Variants in UBE2E2 observed in about 807,000 individuals in gnomAD.
The protein encoded by UBE2E2 is ubiquitin-conjugating enzyme E2 E2.
UBE2E2 carries 6 observed loss-of-function variants against 24.7 expected under a neutral mutation model. That is an observed-to-expected ratio of 0.24 (90% CI 0.13 to 0.48). The LOEUF (loss-of-function observed/expected upper bound fraction) is 0.48, where lower values mean the gene tolerates loss of function less well. Ranked by LOEUF, UBE2E2 falls within the 20% of genes least tolerant of loss-of-function variation. The pLI is 0.99. For synonymous variants in UBE2E2, 104 were observed against 83.6 expected (o/e 1.24, Z -1.33); for missense variants, 169 against 245.0 (o/e 0.69, Z 2.07).
chr3:23,468,653 A>T (rs1411194341), intron 3 of UBE2E2, among the ~76,000 whole-genome samples: 2 of 152,244 alleles, frequency 1.3e-5, no homozygotes, highest in African/African-American at 2.4e-5. Flanking sequence ...AAGTCACCTA[A>T]CATTAAATGT....
rs191455762 is a variant in UBE2E2 at position 23,408,571 on chromosome 3, T to G, written c.228-91037T>G. On this transcript the variant is annotated intron_variant, in intron 3 of 5. Coordinates refer to ENST00000396703, the MANE Select transcript of UBE2E2 (RefSeq NM_152653.4). ...GACTCTGATGACTGGCTCCTGGAGG[T>G]CATAAATCTTCTTGCTAAGATATAT... 2.4e-3 allele frequency among the ~76,000 whole-genome samples: 358 copies of G among 152,204 alleles called. 2 individuals carry two copies. Among genetic ancestry groups the G allele is most frequent in the African/African-American group, 8.2e-3 (342 of 41,514 alleles).
At chr3:23,405,050 T>C (rs1302697164) in intron 3 of UBE2E2, among the ~76,000 whole-genome samples, 1 of 152,248 alleles carries the variant, frequency 6.6e-6, no homozygotes, top group African/African-American at 2.4e-5. Context: ...GGAATTTAAT[T>C]GACAGTTGCT....
intron 3 of UBE2E2, among the ~76,000 whole-genome samples, chr3:23,290,380 T>G (rs1190279367): frequency 6.6e-6 from 1 of 152,164 alleles, no homozygotes; most frequent in Admixed American, 6.5e-5. Flanking sequence ...CACCTGGAGG[T>G]CTTGTTAAAA....
intron 3 of UBE2E2, among the ~76,000 whole-genome samples, chr3:23,369,263 A>C (rs1296965066): frequency 6.6e-6 from 1 of 152,208 alleles, no homozygotes; most frequent in Non-Finnish European, 1.5e-5. Context: ...GGTCCCAGGA[A>C]TAATGGCATT....
chr3:23,266,644 A>G (rs1698057957), intron 3 of UBE2E2, among the ~76,000 whole-genome samples: 1 of 152,038 alleles, frequency 6.6e-6, no homozygotes, highest in Non-Finnish European at 1.5e-5. Flanking sequence ...CTCGAGGAGT[A>G]TCTTTCAGAA....
chr3:23,455,826 TG>T (rs1234198190), intron 3 of UBE2E2, among the ~76,000 whole-genome samples: 4 of 152,224 alleles, frequency 2.6e-5, no homozygotes, highest in Non-Finnish European at 5.9e-5. Context: ...AGGTGGTGGT[TG>T]CTGAAGGCTG....
intron 5 of UBE2E2, among the ~76,000 whole-genome samples, chr3:23,587,874 G>A (rs1401343751): frequency 6.6e-6 from 1 of 152,122 alleles, no homozygotes; most frequent in East Asian, 1.9e-4. Context: ...CAAACGTTTC[G>A]AACAAACCCA....
chr3:23,544,880 G>T (rs1695481301), intron 5 of UBE2E2, among the ~76,000 whole-genome samples: 1 of 152,178 alleles, frequency 6.6e-6, no homozygotes. Flanking sequence ...ATGTGTCAGG[G>T]TCACAAGACA....
intron 3 of UBE2E2, among the ~76,000 whole-genome samples, chr3:23,395,284 ACT>A (rs1697047625): frequency 6.6e-6 from 1 of 152,212 alleles, no homozygotes; most frequent in Non-Finnish European, 1.5e-5. Flanking sequence ...CCGGATACCA[ACT>A]AGGTCGCTTT....
chr3:23,368,423 T>C (rs1305029006), intron 3 of UBE2E2, among the ~76,000 whole-genome samples: 1 of 152,184 alleles, frequency 6.6e-6, no homozygotes, highest in African/African-American at 2.4e-5. Flanking sequence ...AGGCAATGAG[T>C]GTCTTACAAG....
chr3:23,399,291 G>A (rs1398711238), intron 3 of UBE2E2, among the ~76,000 whole-genome samples: 1 of 152,054 alleles, frequency 6.6e-6, no homozygotes, highest in Non-Finnish European at 1.5e-5. Context: ...GCACTTTGGG[G>A]CTATTATTAA....
rs1559459135 is a variant in UBE2E2 at position 23,257,523 on chromosome 3, C to G, written c.227+40211C>G. Reference sequence around the variant, plus strand: ...TGGCTGTTTCCCGTGCCCCCCCCCCCCCCCCACTTTTTTTTTTTTTTTTTT... The same window carrying G: ...TGGCTGTTTCCCGTGCCCCCCCCCCGCCCCCACTTTTTTTTTTTTTTTTTT... On this transcript the variant is annotated intron_variant, in intron 3 of 5. Coordinates refer to ENST00000396703, the MANE Select transcript of UBE2E2 (RefSeq NM_152653.4). 6.1e-5 allele frequency among the ~76,000 whole-genome samples: 4 copies of G among 65,880 alleles called. 1 individual carries two copies. Among genetic ancestry groups the G allele is most frequent in the Non-Finnish European group, 6.4e-5 (2 of 31,396 alleles). 43.2% of individuals were successfully genotyped at this position (65,880 alleles called of 152,430 possible).
chr3:23,501,590 C>T (rs560091516), intron 4 of UBE2E2, among the ~76,000 whole-genome samples: 90 of 152,212 alleles, frequency 5.9e-4, no homozygotes, highest in Admixed American at 6.5e-5. Flanking sequence ...AAAAATAGGG[C>T]GTGGGAGGAA....
chr3:23,238,687 A>C (rs1450536866), intron 3 of UBE2E2, among the ~76,000 whole-genome samples: 2 of 152,222 alleles, frequency 1.3e-5, no homozygotes, highest in Non-Finnish European at 2.9e-5. Context: ...AGCGATCTTC[A>C]GGATGTGGCC....
chr3:23,383,236 A>T (rs1380123454), intron 3 of UBE2E2, among the ~76,000 whole-genome samples: 1 of 151,988 alleles, frequency 6.6e-6, no homozygotes, highest in Non-Finnish European at 1.5e-5. Flanking sequence ...TTTGAAGTAT[A>T]TTGCAGTATA....
chr3:23,329,664 C>T (rs904835070), intron 3 of UBE2E2, among the ~76,000 whole-genome samples: 1 of 152,192 alleles, frequency 6.6e-6, no homozygotes, highest in African/African-American at 2.4e-5. Flanking sequence ...CACTGGATGG[C>T]GGCACAGTTG....
intron 4 of UBE2E2, among the ~76,000 whole-genome samples, chr3:23,510,597 A>G (rs910674581): frequency 6.6e-6 from 1 of 152,064 alleles, no homozygotes; most frequent in African/African-American, 2.4e-5. Context: ...ACAGAGCAAG[A>G]CTGGGTCAAA....
chr3:23,503,221 G>A (rs1694324720), intron 4 of UBE2E2, among the ~76,000 whole-genome samples: 1 of 151,242 alleles, frequency 6.6e-6, no homozygotes, highest in African/African-American at 2.4e-5. Flanking sequence ...GATAGAGTTC[G>A]CTCTTTTGCC....
chr3:23,580,697 G>T (rs571269703), intron 5 of UBE2E2, among the ~76,000 whole-genome samples: 1 of 152,188 alleles, frequency 6.6e-6, no homozygotes, highest in African/African-American at 2.4e-5. Context: ...CTGCTAGGAA[G>T]CCCCTGGAAG....
Sources: gnomAD v4.1 joint callset for allele counts (sites outside exome capture counted in the v4.1 genomes callset) on GRCh38, gnomAD v4.1.1 for gene constraint, MANE v1.5 for transcripts, NCBI Gene and HGNC (gene_info 2026-07-23, HGNC 2026-07-21) for gene names.